The following CDH9 variants were observed in gnomAD, a reference collection of about 807,000 sequenced individuals.
CDH9 encodes cadherin-9.
In CDH9, 28 loss-of-function variants were observed where a neutral mutation model predicts 70.9. That is an observed-to-expected ratio of 0.40 (90% CI 0.29 to 0.54). The LOEUF (loss-of-function observed/expected upper bound fraction) is 0.54. Ranked by LOEUF, CDH9 falls within the 20% of genes least tolerant of loss-of-function variation. The pLI, the probability that CDH9 is intolerant of heterozygous loss-of-function variation, is 0.59. For missense variants in CDH9, 874 were observed against 984.4 expected, an observed-to-expected ratio of 0.89 and a Z score of 1.50; for synonymous variants, 409 against 343.1, an observed-to-expected ratio of 1.19 and a Z score of -2.12.
chr5:26,964,591 C>G (rs1742096757), intron 2 of CDH9, among the ~76,000 whole-genome samples: 1 of 152,134 alleles, frequency 6.6e-6, no homozygotes, highest in African/African-American at 2.4e-5. Flanking sequence ...AGTTTCATCA[C>G]CACTCATAAA....
At chr5:27,004,705 G>A (rs1415906341) in intron 1 of CDH9, among the ~76,000 whole-genome samples, 2 of 152,052 alleles carry the variant, frequency 1.3e-5, no homozygotes, top group Non-Finnish European at 2.9e-5. Context: ...GTTGTGTGTG[G>A]GAGTAGAAAG....
chr5:26,967,706 A>G lies in CDH9; in HGVS notation c.228+20400T>C, dbSNP rs190534539. Among the ~76,000 whole-genome samples, 590 of 151,778 alleles carry G rather than the reference A, an allele frequency of 3.9e-3. 3 individuals are homozygous for G. The highest frequency in any genetic ancestry group is 7.5e-3 in the Admixed American group (114 of 15,210). Reference sequence around the variant, plus strand: ...ATTCCTGTGAACATCAATTTTTTACACCTTTTTTTTTCAATGCTAGGTCTT... The same window carrying G: ...ATTCCTGTGAACATCAATTTTTTACGCCTTTTTTTTTCAATGCTAGGTCTT... On this transcript the variant is annotated intron_variant, in intron 2 of 11. Transcript: ENST00000231021.
chr5:26,954,731 T>C (rs1741916494), intron 2 of CDH9, among the ~76,000 whole-genome samples: 2 of 151,968 alleles, frequency 1.3e-5, no homozygotes, highest in Admixed American at 1.3e-4. Flanking sequence ...ATTACCACCA[T>C]TTGGTTTTAA....
chr5:26,884,941 G>A (rs537606817), intron 11 of CDH9, among the ~76,000 whole-genome samples: 1 of 152,226 alleles, frequency 6.6e-6, no homozygotes, highest in East Asian at 1.9e-4. Flanking sequence ...GGGCTAGGTA[G>A]GACCACAGCG....
chr5:26,947,150 C>T (rs942429020), intron 2 of CDH9, among the ~76,000 whole-genome samples: 2 of 152,046 alleles, frequency 1.3e-5, no homozygotes, highest in Non-Finnish European at 2.9e-5. Flanking sequence ...TGTCCTAGTC[C>T]TCTTTGGTGG....
At chr5:26,988,021 A>T in intron 2 of CDH9, 85 bp downstream of exon 2, 1 of 868,210 alleles carries the variant, frequency 1.2e-6, no homozygotes, top group Non-Finnish European at 1.8e-6. Context: ...ATTTTTTAAT[A>T]ATCACTAGTG....
At chr5:26,898,287 C>A (rs895309738) in intron 7 of CDH9, among the ~76,000 whole-genome samples, 10 of 151,970 alleles carry the variant, frequency 6.6e-5, no homozygotes, top group African/African-American at 2.4e-4. Context: ...CCCATCAAGC[C>A]ACCATTGACT....
intron 1 of CDH9, among the ~76,000 whole-genome samples, chr5:26,993,584 GC>G: frequency 6.7e-6 from 1 of 149,810 alleles, no homozygotes; most frequent in East Asian, 2.0e-4. Flanking sequence ...TAATATGACA[GC>G]CCAGGAGGAA....
chr5:26,991,391 T>G (rs1186996841), intron 1 of CDH9, among the ~76,000 whole-genome samples: 1 of 152,208 alleles, frequency 6.6e-6, no homozygotes, highest in East Asian at 1.9e-4. Context: ...TGCTGCAAGT[T>G]TACAGACATC....
At chr5:27,006,351 G>A (rs1439296572) in intron 1 of CDH9, among the ~76,000 whole-genome samples, 3 of 152,004 alleles carry the variant, frequency 2.0e-5, no homozygotes, top group Non-Finnish European at 4.4e-5. Context: ...ACTCAGAACT[G>A]TATACCTGGG....
intron 7 of CDH9, among the ~76,000 whole-genome samples, chr5:26,901,412 C>T (rs1029424390): frequency 3.3e-5 from 5 of 151,752 alleles, no homozygotes; most frequent in Admixed American, 3.3e-4. Context: ...TTAATCTCAC[C>T]AACAAATTAA....
Position 26,952,921 on chromosome 5 carries a change from A to AAAAAGC in CDH9, c.228+35184_228+35185insGCTTTT, listed in dbSNP as rs1554000078. ...TATTCCAAAAAAAAAAAAAAAAAAA[A>AAAAAGC]AGTTTAAAGAGAATACAGTCAAAGT... On this transcript the variant is annotated intron_variant, in intron 2 of 11. Transcript: ENST00000231021. 1.0e-3 allele frequency among the ~76,000 whole-genome samples: 133 copies of AAAAAGC among 129,294 alleles called. 2 individuals carry two copies. The highest frequency in any genetic ancestry group is 3.7e-3 in the African/African-American group (127 of 34,564). 84.8% of individuals were successfully genotyped at this position (129,294 alleles called of 152,430 possible). A position where few individuals can be genotyped will look rare whatever the true frequency, so the allele number is the denominator to read the frequency against.
At chr5:27,038,407 A>T (rs927297841) in intron 1 of CDH9, 56 bp downstream of exon 1, 2 of 152,012 alleles carry the variant, frequency 1.3e-5, no homozygotes, top group African/African-American at 4.8e-5. Flanking sequence ...CTACTTCGTT[A>T]TAAGAAAGCA....
chr5:27,006,072 G>A (rs1742859935), intron 1 of CDH9, among the ~76,000 whole-genome samples: 1 of 151,934 alleles, frequency 6.6e-6, no homozygotes, highest in African/African-American at 2.4e-5. Flanking sequence ...GTTGGGTACT[G>A]GGCTTAATAC....
intron 2 of CDH9, among the ~76,000 whole-genome samples, chr5:26,919,692 G>A (rs1741210942): frequency 6.6e-6 from 1 of 151,986 alleles, no homozygotes; most frequent in African/African-American, 2.4e-5. Flanking sequence ...GGAGGTGGGA[G>A]GGGAAAGAGG....
intron 2 of CDH9, among the ~76,000 whole-genome samples, chr5:26,979,221 CAA>C (rs1742356433): frequency 6.6e-6 from 1 of 151,138 alleles, no homozygotes; most frequent in African/African-American, 2.4e-5. Flanking sequence ...AAAAATAGAA[CAA>C]AGTCTTGCAA....
intron 7 of CDH9, among the ~76,000 whole-genome samples, chr5:26,898,341 A>G (rs1251489455): frequency 2.0e-5 from 3 of 152,176 alleles, no homozygotes; most frequent in Non-Finnish European, 4.4e-5. Flanking sequence ...TTCATATGGA[A>G]CCAAAAAAGA....
chr5:27,015,522 T>A (rs1743032836), intron 1 of CDH9, among the ~76,000 whole-genome samples: 1 of 151,814 alleles, frequency 6.6e-6, no homozygotes, highest in South Asian at 2.1e-4. Context: ...AGCAGCATCA[T>A]TAGTCATTAG....
intron 7 of CDH9, among the ~76,000 whole-genome samples, chr5:26,902,000 A>G (rs1003215116): frequency 1.3e-5 from 2 of 151,932 alleles, no homozygotes; most frequent in African/African-American, 4.8e-5. Flanking sequence ...TTTCTAGGAA[A>G]ACATTTTTTT....
Sources: allele counts gnomAD v4.1 joint callset (sites outside exome capture counted in the v4.1 genomes callset), GRCh38; gene constraint gnomAD v4.1.1; transcripts MANE v1.5; gene names NCBI Gene and HGNC (gene_info 2026-07-23, HGNC 2026-07-21).